Variants in CSMD1 observed in about 807,000 individuals in gnomAD.
CSMD1 encodes CUB and sushi domain-containing protein 1.
A neutral mutation model predicts 417.5 loss-of-function variants in CSMD1; 213 were observed. The observed-to-expected ratio is 0.51, with a 90% CI of 0.46 to 0.57. The LOEUF (loss-of-function observed/expected upper bound fraction) is 0.57. Ranked by LOEUF, CSMD1 falls within the 20% of genes least tolerant of loss-of-function variation. CSMD1 has a pLI of 0.00. For synonymous variants in CSMD1, 2,862 were observed against 1,736.8 expected (o/e 1.65, Z -16.11); for missense variants, 6,923 against 4,529.7 (o/e 1.53, Z -15.17).
chr8:4,593,415 G>C (rs1800089227), intron 2 of CSMD1, among the ~76,000 whole-genome samples: 1 of 152,242 alleles, frequency 6.6e-6, no homozygotes, highest in Admixed American at 6.5e-5. Context: ...TTGGCATAAT[G>C]TTTCATTCCA....
At chr8:4,274,757 A>G (rs1346578652) in intron 3 of CSMD1, among the ~76,000 whole-genome samples, 1 of 152,136 alleles carries the variant, frequency 6.6e-6, no homozygotes, top group East Asian at 1.9e-4. Flanking sequence ...TGATCAGGAG[A>G]TACGGGATTA....
At chr8:4,240,934 C>G (rs1219647980) in intron 3 of CSMD1, among the ~76,000 whole-genome samples, 1 of 152,060 alleles carries the variant, frequency 6.6e-6, no homozygotes, top group Admixed American at 6.5e-5. Flanking sequence ...TTTCCATTAC[C>G]AACTTCTGAC....
At chr8:3,667,317 G>C (rs11986099) in intron 7 of CSMD1, among the ~76,000 whole-genome samples, 1,756 of 152,266 alleles carry the variant, frequency 0.012, 38 homozygotes, top group African/African-American at 0.04. Flanking sequence ...GATAAAAAGA[G>C]AGTGAAGGGG....
At chr8:3,445,152 C>T (rs1382914405) in intron 12 of CSMD1, among the ~76,000 whole-genome samples, 2 of 152,162 alleles carry the variant, frequency 1.3e-5, no homozygotes, top group Non-Finnish European at 2.9e-5. Context: ...CTACATCAAA[C>T]AATCACAATC....
chr8:3,593,268 T>A (rs1425285832), intron 8 of CSMD1, among the ~76,000 whole-genome samples: 2 of 152,214 alleles, frequency 1.3e-5, no homozygotes, highest in Non-Finnish European at 2.9e-5. Flanking sequence ...GTCTGTGTGT[T>A]CAGGAGTAAT....
intron 4 of CSMD1, among the ~76,000 whole-genome samples, chr8:4,022,122 A>G (rs954425272): frequency 1.4e-5 from 2 of 146,958 alleles, no homozygotes; most frequent in African/African-American, 2.5e-5. Context: ...GATATAGAAT[A>G]TATATATATA....
At chr8:3,460,391 C>A in intron 12 of CSMD1, among the ~76,000 whole-genome samples, 1 of 152,266 alleles carries the variant, frequency 6.6e-6, no homozygotes, top group East Asian at 1.9e-4. Context: ...CTGGAAACCA[C>A]TTTACAGAAT....
At chr8:4,089,015 T>G (rs1392109108) in intron 3 of CSMD1, among the ~76,000 whole-genome samples, 2 of 152,178 alleles carry the variant, frequency 1.3e-5, no homozygotes, top group Non-Finnish European at 2.9e-5. Context: ...TTGCTGAGGG[T>G]CTCAAAACTT....
chr8:4,915,739 A>T (rs1806021436), intron 1 of CSMD1, among the ~76,000 whole-genome samples: 1 of 152,226 alleles, frequency 6.6e-6, no homozygotes, highest in African/African-American at 2.4e-5. Context: ...GGAGACAGAC[A>T]TCCATTTGGA....
chr8:3,153,091 C>A (rs1373979402), intron 39 of CSMD1, among the ~76,000 whole-genome samples: 1 of 152,164 alleles, frequency 6.6e-6, no homozygotes, highest in Non-Finnish European at 1.5e-5. Flanking sequence ...AAATACAGGT[C>A]ACAAATACCT....
At chr8:3,334,880 C>T (rs533176908) in intron 23 of CSMD1, among the ~76,000 whole-genome samples, 5 of 152,308 alleles carry the variant, frequency 3.3e-5, no homozygotes, top group African/African-American at 1.2e-4. Flanking sequence ...TGGGGAGCTG[C>T]AATGTGTCAC....
At chr8:4,774,496 T>C (rs919797557) in intron 1 of CSMD1, among the ~76,000 whole-genome samples, 1 of 152,136 alleles carries the variant, frequency 6.6e-6, no homozygotes, top group African/African-American at 2.4e-5. Flanking sequence ...TTTTTACATA[T>C]AGGAAATAAA....
At chr8:4,174,094 G>C (rs752804896) in intron 3 of CSMD1, among the ~76,000 whole-genome samples, 73 of 152,172 alleles carry the variant, frequency 4.8e-4, no homozygotes, top group Non-Finnish European at 9.0e-4. Flanking sequence ...ACATCAGGGA[G>C]ACTCACAGAG....
intron 2 of CSMD1, among the ~76,000 whole-genome samples, chr8:4,536,926 T>C (rs1797131479): frequency 6.6e-6 from 1 of 152,206 alleles, no homozygotes; most frequent in Non-Finnish European, 1.5e-5. Context: ...TGTGTAAAAA[T>C]GTAAAATGTT....
At chr8:3,335,211 T>C (rs116943757) in intron 23 of CSMD1, among the ~76,000 whole-genome samples, 2,134 of 152,248 alleles carry the variant, frequency 0.014, 23 homozygotes, top group Non-Finnish European at 0.021. Flanking sequence ...CAGCCTCTAA[T>C]GGTTCCTTTT....
intron 1 of CSMD1, among the ~76,000 whole-genome samples, chr8:4,904,982 A>G (rs1425632232): frequency 6.6e-6 from 1 of 152,170 alleles, no homozygotes; most frequent in Non-Finnish European, 1.5e-5. Context: ...AACATAGTAC[A>G]ATTTGCAAAG....
At chr8:3,103,064 C>T (rs1032351099) in intron 46 of CSMD1, among the ~76,000 whole-genome samples, 1 of 152,200 alleles carries the variant, frequency 6.6e-6, no homozygotes, top group Non-Finnish European at 1.5e-5. Flanking sequence ...AGTAAACTTA[C>T]TGAGGCTCCA....
intron 8 of CSMD1, among the ~76,000 whole-genome samples, chr8:3,612,778 T>G (rs557970475): frequency 6.6e-6 from 1 of 152,134 alleles, no homozygotes; most frequent in Non-Finnish European, 1.5e-5. Context: ...AGCCAAAGCA[T>G]TACTTAGAGG....
At chr8:4,371,513 T>C (rs1802395444) in intron 3 of CSMD1, among the ~76,000 whole-genome samples, 1 of 152,210 alleles carries the variant, frequency 6.6e-6, no homozygotes, top group Non-Finnish European at 1.5e-5. Flanking sequence ...TATGGGATAT[T>C]CCCTTATGCA....
Sources: allele counts gnomAD v4.1 joint callset (sites outside exome capture counted in the v4.1 genomes callset), GRCh38; gene constraint gnomAD v4.1.1; transcripts MANE v1.5; gene names NCBI Gene and HGNC (gene_info 2026-07-23, HGNC 2026-07-21).